The following UBE3C variants were observed in gnomAD, a reference collection of about 807,000 sequenced individuals.
The protein encoded by UBE3C is ubiquitin protein ligase E3C.
In UBE3C, 42 loss-of-function variants were observed where a neutral mutation model predicts 129.4. The ratio of observed to expected loss-of-function variants is 0.32; its 90% CI spans 0.25 to 0.42. UBE3C has a LOEUF of 0.42. Ranked by LOEUF, UBE3C falls within the 10% of genes least tolerant of loss-of-function variation. The pLI is 1.00. For missense variants in UBE3C, 1,049 were observed against 1,319.1 expected, an observed-to-expected ratio of 0.80 and a Z score of 3.17; for synonymous variants, 510 against 492.4, an observed-to-expected ratio of 1.04 and a Z score of -0.47.
chr7:157,219,689 G>A (rs1157200253), intron 14 of UBE3C, among the ~76,000 whole-genome samples: 1 of 152,082 alleles, frequency 6.6e-6, no homozygotes, highest in Non-Finnish European at 1.5e-5. Flanking sequence ...ATCACCTGAG[G>A]TCAGTTCGAG....
chr7:157,144,274 C>T (rs771270830), intron 1 of UBE3C, among the ~76,000 whole-genome samples: 2 of 152,038 alleles, frequency 1.3e-5, no homozygotes, highest in Non-Finnish European at 2.9e-5. Flanking sequence ...CCAGCCTAGG[C>T]GACACAGCAT....
intron 10 of UBE3C, among the ~76,000 whole-genome samples, chr7:157,191,408 A>G (rs568671436): frequency 6.6e-6 from 1 of 152,314 alleles, no homozygotes; most frequent in East Asian, 1.9e-4. Flanking sequence ...CTCCTACCTC[A>G]GCACCCTTGA....
chr7:157,146,903 A>T (rs1586641384), intron 1 of UBE3C, among the ~76,000 whole-genome samples: 1 of 152,134 alleles, frequency 6.6e-6, no homozygotes, highest in Admixed American at 6.5e-5. Flanking sequence ...CGCCTGCCTC[A>T]GCCTCCCAAA....
chr7:157,145,451 G>A (rs1807578972), intron 1 of UBE3C, among the ~76,000 whole-genome samples: 1 of 152,144 alleles, frequency 6.6e-6, no homozygotes, highest in South Asian at 2.1e-4. Flanking sequence ...CCGAGAGGCA[G>A]AGATTGCAGT....
intron 10 of UBE3C, among the ~76,000 whole-genome samples, 177 bp from the exon 11 acceptor site, chr7:157,201,544 C>T (rs1224184897): frequency 6.8e-6 from 1 of 147,802 alleles, no homozygotes; most frequent in African/African-American, 2.5e-5. Context: ...AGCCGTGTCT[C>T]GGTGTCTCAT....
intron 14 of UBE3C, among the ~76,000 whole-genome samples, chr7:157,219,516 G>T (rs184247786): frequency 1.4e-4 from 21 of 152,288 alleles, no homozygotes; most frequent in Admixed American, 9.2e-4. Context: ...AAACATAGGG[G>T]TTAGAAGTAC....
intron 22 of UBE3C, 129 bp from the exon 23 acceptor site, chr7:157,267,456 G>A: frequency 8.5e-7 from 1 of 1,175,376 alleles, no homozygotes; most frequent in South Asian, 1.4e-5. Context: ...AGCAAATGTG[G>A]TTTCGGGAAA....
intron 13 of UBE3C, among the ~76,000 whole-genome samples, chr7:157,214,658 CA>C (rs755683339): frequency 1.3e-5 from 2 of 152,190 alleles, no homozygotes; most frequent in Non-Finnish European, 2.9e-5. Context: ...CATCTTCATA[CA>C]AAAAGATTGT....
chr7:157,168,001 C>G (rs567258396), intron 2 of UBE3C, among the ~76,000 whole-genome samples: 1 of 152,078 alleles, frequency 6.6e-6, no homozygotes, highest in Non-Finnish European at 1.5e-5. Context: ...AAGAAAGTGA[C>G]CTTTAAAATA....
At chr7:157,180,083 A>T (rs564095035) in intron 6 of UBE3C, among the ~76,000 whole-genome samples, 19 of 152,232 alleles carry the variant, frequency 1.2e-4, no homozygotes, top group Non-Finnish European at 1.8e-4. Flanking sequence ...GTGTCCCAAT[A>T]TACGAAATGC....
rs926445576 is a variant in UBE3C, at chr7:157,220,613, A to G, written c.1915-76A>G. 4.7e-5 allele frequency: 73 copies of G among 1,555,406 alleles called. No individual in the cohort carries two copies. In the African/African-American group the frequency reaches 7.7e-4, roughly 16 times the overall value. ...CACGGTAGAGAAATGTCCAGCACCA[A>G]TTCTGTTCAAGTGTGATCAGGTCAA... On this transcript the variant is annotated intron_variant, in intron 14 of 22. Coordinates refer to ENST00000348165, the MANE Select transcript of UBE3C (RefSeq NM_014671.3).
At chr7:157,206,671 C>G (rs1375319363) in intron 11 of UBE3C, among the ~76,000 whole-genome samples, 1 of 152,082 alleles carries the variant, frequency 6.6e-6, no homozygotes, top group African/African-American at 2.4e-5. Context: ...TCATGGCAAC[C>G]TCTGCCTCCT....
chr7:157,144,412 C>T lies in UBE3C; in HGVS notation c.66+5074C>T, dbSNP rs74859047. Among the ~76,000 whole-genome samples the T allele has an allele frequency of 3.3e-3, 503 of 151,826 alleles. 3 individuals carry two copies. The highest frequency in any genetic ancestry group is 0.012 in the African/African-American group (480 of 41,362). On this transcript the variant is annotated intron_variant, in intron 1 of 22. Coordinates refer to ENST00000348165, the MANE Select transcript of UBE3C (RefSeq NM_014671.3). ...AAATAGTTTTGTCTGTTTTGGGAGACGGGGGAAACTTAAGTTTATAGACTG... is the reference window on the plus strand; with the variant it reads ...AAATAGTTTTGTCTGTTTTGGGAGATGGGGGAAACTTAAGTTTATAGACTG...
Position 157,256,968 on chromosome 7 carries a change from G to A in UBE3C, c.3005G>A (p.Gly1002Glu), listed in dbSNP as rs1796768117. 10 of 1,614,128 alleles carry A rather than the reference G, an allele frequency of 6.2e-6. No homozygotes were observed. The highest frequency in any genetic ancestry group is 8.5e-6 in the Non-Finnish European group (10 of 1,180,036). The change falls in exon 22 of 23, where the codon GGG becomes GAG. Residue 1002 changes from glycine (G) to glutamate (E), a missense_variant. This residue lies in a region of UBE3C where 243 missense variants were observed against 368.7 expected (regional missense o/e 0.66). Transcript: ENST00000348165. ...AAGGTCTTCTGGAGAGTTGTGGAAG[G>A]GTTCACTGATGAAGAAAAGCGCAAA... ...VIKVFWRVVE[G>E]FTDEEKRKLL...
chr7:157,255,500 C>T (rs1484156112), intron 21 of UBE3C, among the ~76,000 whole-genome samples: 1 of 152,142 alleles, frequency 6.6e-6, no homozygotes, highest in African/African-American at 2.4e-5. Flanking sequence ...GCAAATAATG[C>T]CTAAGGTCAC....
chr7:157,192,392 A>G, intron 10 of UBE3C: 1 of 692,336 alleles, frequency 1.4e-6, no homozygotes, highest in East Asian at 2.8e-5. Context: ...AAAAACCCTT[A>G]CGGGGAAGAC....
chr7:157,140,988 C>T (rs184934019), intron 1 of UBE3C, among the ~76,000 whole-genome samples: 1 of 152,318 alleles, frequency 6.6e-6, no homozygotes, highest in Admixed American at 6.5e-5. Flanking sequence ...GAAAAGGCGT[C>T]TCAGCTGGAG....
intron 4 of UBE3C, among the ~76,000 whole-genome samples, chr7:157,172,466 C>T (rs1808404345): frequency 6.6e-6 from 1 of 152,192 alleles, no homozygotes; most frequent in East Asian, 1.9e-4. Flanking sequence ...AATGATCCTA[C>T]TTGAATTAAT....
In UBE3C at chr7:157,148,733, T is replaced by G. The variant is rs563564607; in HGVS notation, c.66+9395T>G. Among the ~76,000 whole-genome samples, 747 of 146,362 alleles carry G rather than the reference T, an allele frequency of 5.1e-3. 3 individuals are homozygous for G. Among genetic ancestry groups the G allele is most frequent in the African/African-American group, 8.7e-3 (353 of 40,376 alleles). ...TATTTTCTAAGATCAAATTAGTTCT[T>G]TTTTTTTTTTTTTTTTCCTTTAAGA... On this transcript the variant is annotated intron_variant, in intron 1 of 22. Transcript: ENST00000348165.
Sources: gnomAD v4.1 joint callset for allele counts (sites outside exome capture counted in the v4.1 genomes callset) on GRCh38, gnomAD v4.1.1 for gene constraint, gnomAD v4.1.1 regional missense constraint, MANE v1.5 for transcripts, NCBI Gene and HGNC (gene_info 2026-07-23, HGNC 2026-07-21) for gene names.